The following MCF2L2 variants were observed in gnomAD, a reference collection of about 807,000 sequenced individuals.
MCF2L2 encodes the protein MCF.2 cell line derived transforming sequence-like 2.
Under a neutral mutation model 150.2 loss-of-function variants are expected in MCF2L2, and 102 were observed. The ratio of observed to expected loss-of-function variants is 0.68; its 90% CI spans 0.58 to 0.80. The LOEUF is 0.80. Among genes scored for constraint, MCF2L2 ranks in the 30% least tolerant of loss-of-function variants. The pLI is 0.00. For missense variants in MCF2L2, 1,256 were observed against 1,372.8 expected, an observed-to-expected ratio of 0.91 and a Z score of 1.34; for synonymous variants, 465 against 491.3, an observed-to-expected ratio of 0.95 and a Z score of 0.71.
intron 1 of MCF2L2, among the ~76,000 whole-genome samples, chr3:183,417,157 A>C (rs1715642327): frequency 6.8e-6 from 1 of 147,200 alleles, no homozygotes; most frequent in Non-Finnish European, 1.5e-5. Flanking sequence ...GGTAATTTAG[A>C]GATCATTTAA....
intron 21 of MCF2L2, among the ~76,000 whole-genome samples, chr3:183,217,294 CAAAA>C (rs35973262): frequency 6.6e-5 from 1 of 15,180 alleles, no homozygotes; most frequent in Non-Finnish European, 1.2e-4. Context: ...AACCCCGTCT[CAAAA>C]AAAAAAAAAA....
intron 3 of MCF2L2, among the ~76,000 whole-genome samples, chr3:183,355,099 T>C (rs1711684162): frequency 6.6e-6 from 1 of 150,848 alleles, no homozygotes; most frequent in Non-Finnish European, 1.5e-5. Context: ...TTATTTTATT[T>C]TATTTTCATA....
At chr3:183,284,873 C>G (rs772776489) in intron 14 of MCF2L2, among the ~76,000 whole-genome samples, 8 of 152,184 alleles carry the variant, frequency 5.3e-5, no homozygotes, top group Non-Finnish European at 1.0e-4. Flanking sequence ...TGGCTGAGGG[C>G]CACCCCAGGA....
At chr3:183,202,429 A>G (rs1250130184) in intron 25 of MCF2L2, among the ~76,000 whole-genome samples, 5 of 152,236 alleles carry the variant, frequency 3.3e-5, no homozygotes, top group Admixed American at 3.3e-4. Context: ...GACCATGCAC[A>G]CATTTCCTGT....
intron 22 of MCF2L2, among the ~76,000 whole-genome samples, chr3:183,212,521 G>GT (rs1722768751): frequency 6.6e-6 from 1 of 152,154 alleles, no homozygotes; most frequent in South Asian, 2.1e-4. Context: ...CATTCTGCAG[G>GT]TAAGAGCCCC....
intron 21 of MCF2L2, among the ~76,000 whole-genome samples, chr3:183,216,576 ATATATTTTTTTTTTTTTTTTTTTTT>A (rs1472491184): frequency 0.14 from 3,745 of 26,474 alleles, 186 homozygotes; most frequent in Middle Eastern, 0.36. Context: ...ATATATATAT[ATATATTTTTTTTTTTTTTTTTTTTT>A]TTTTTTTTTT....
At chr3:183,317,166 G>A (rs969256167) in intron 7 of MCF2L2, among the ~76,000 whole-genome samples, 3 of 152,170 alleles carry the variant, frequency 2.0e-5, no homozygotes, top group Admixed American at 6.5e-5. Context: ...AGTAGTGGTA[G>A]GTGCTCAATA....
At chr3:183,215,655 G>C (rs1722885093) in intron 22 of MCF2L2, among the ~76,000 whole-genome samples, 1 of 152,218 alleles carries the variant, frequency 6.6e-6, no homozygotes, top group Non-Finnish European at 1.5e-5. Flanking sequence ...AGTGCCATGA[G>C]TTAGAAAATA....
intron 1 of MCF2L2, chr3:183,400,339 C>T: frequency 2.2e-6 from 1 of 449,540 alleles, no homozygotes; most frequent in South Asian, 1.6e-5. Flanking sequence ...TGCATCCTTG[C>T]TTCCACACTA....
intron 15 of MCF2L2, among the ~76,000 whole-genome samples, chr3:183,276,334 C>A (rs16857240): frequency 0.045 from 6,892 of 152,226 alleles, 562 homozygotes; most frequent in African/African-American, 0.16. Flanking sequence ...TACAAGTCAA[C>A]CAGCGTGGGT....
At chr3:183,396,397 T>C (rs900438388) in intron 1 of MCF2L2, among the ~76,000 whole-genome samples, 8 of 152,210 alleles carry the variant, frequency 5.3e-5, no homozygotes, top group Non-Finnish European at 1.2e-4. Context: ...GTAGATTCTT[T>C]GGTAATGACA....
At chr3:183,417,073 C>T (rs1715629237) in intron 1 of MCF2L2, among the ~76,000 whole-genome samples, 2 of 126,686 alleles carry the variant, frequency 1.6e-5, no homozygotes, top group Non-Finnish European at 3.1e-5. Context: ...GATCGTGCCA[C>T]ACCACTACAC....
intron 1 of MCF2L2, among the ~76,000 whole-genome samples, chr3:183,427,366 G>C (rs1716218276): frequency 6.6e-6 from 1 of 152,178 alleles, no homozygotes; most frequent in Admixed American, 6.5e-5. Context: ...TTTCTCGCGG[G>C]GATCATCAGG....
In MCF2L2 at chr3:183,276,879, G is replaced by C. The variant is rs1349320106; in HGVS notation, c.1855C>G (p.Pro619Ala). The change falls in exon 15 of 30, where the codon CCC becomes GCC. Residue 619 changes from proline to alanine, a missense_variant. Pro to Ala is a conservative substitution (Grantham distance 27). Transcript: ENST00000328913. Reference protein sequence around the residue: ...EQQARLGDLSPRRRIIRDLLE... With the variant: ...EQQARLGDLSARRRIIRDLLE... The stretch of plus-strand genomic sequence containing the variant: ...ACGGATGTGCAGTCTTACCTGCGGG[G>C]GGAAAGGTCTCCGAGCCTGGCCTGC... 1.9e-6 allele frequency: 3 copies of C among 1,608,132 alleles called. No homozygotes were observed. Among genetic ancestry groups the C allele is most frequent in the Non-Finnish European group, 2.5e-6 (3 of 1,176,866 alleles).
At chr3:183,332,568 A>C (rs1258518049) in intron 5 of MCF2L2, among the ~76,000 whole-genome samples, 1 of 152,160 alleles carries the variant, frequency 6.6e-6, no homozygotes, top group Non-Finnish European at 1.5e-5. Flanking sequence ...TGTATAAAAC[A>C]CGTGTTTTAT....
At position 183,343,825 on chromosome 3, in the gene MCF2L2, AAT is replaced by A. The variant is rs1297375126; in HGVS notation, c.276-2197_276-2196del. Among the ~76,000 whole-genome samples the A allele has an allele frequency of 2.6e-5, 4 of 152,190 alleles. No homozygotes were observed. The South Asian group carries it at 6.2e-4, about 24-fold the overall frequency. On this transcript the variant is annotated intron_variant, in intron 3 of 29. Transcript: ENST00000328913. ...AATAACACAGTATTATTATAAAATAAATATGTCACAACAATAGCATGAAGAAC... is the reference window on the plus strand; with the variant it reads ...AATAACACAGTATTATTATAAAATAAATGTCACAACAATAGCATGAAGAAC...
At chr3:183,302,660 A>C (rs1478931545) in intron 10 of MCF2L2, among the ~76,000 whole-genome samples, 1 of 152,094 alleles carries the variant, frequency 6.6e-6, no homozygotes, top group African/African-American at 2.4e-5. Flanking sequence ...GCCGAGAGAT[A>C]CGGCTTACGG....
chr3:183,400,640 T>C (rs1714704447), intron 1 of MCF2L2: 1 of 343,122 alleles, frequency 2.9e-6, no homozygotes, highest in Non-Finnish European at 5.8e-6. Flanking sequence ...TCCTTTTGAT[T>C]GGTGAGTGCT....
chr3:183,277,528 G>A (rs1727230200), intron 14 of MCF2L2, among the ~76,000 whole-genome samples: 1 of 151,798 alleles, frequency 6.6e-6, no homozygotes, highest in Non-Finnish European at 1.5e-5. Flanking sequence ...GAAAGTGCTG[G>A]AGGCAGAGAT....
Sources: allele counts gnomAD v4.1 joint callset (sites outside exome capture counted in the v4.1 genomes callset), GRCh38; gene constraint gnomAD v4.1.1; transcripts MANE v1.5; gene names NCBI Gene and HGNC (gene_info 2026-07-23, HGNC 2026-07-21).